Variants in EDA observed in about 807,000 individuals in gnomAD.
EDA encodes ectodysplasin A.
In EDA, 2 loss-of-function variants were observed where a neutral mutation model predicts 23.6. The ratio of observed to expected loss-of-function variants is 0.08; its 90% CI spans 0.03 to 0.27. The LOEUF (loss-of-function observed/expected upper bound fraction) is 0.27, where lower values mean the gene tolerates loss of function less well. Among genes scored for constraint, EDA ranks in the 10% least tolerant of loss-of-function variants. The pLI, the probability that EDA is intolerant of heterozygous loss-of-function variation, is 1.00. For synonymous variants in EDA, 131 were observed against 132.0 expected (o/e 0.99, Z 0.05); for missense variants, 229 against 324.2 (o/e 0.71, Z 2.26).
At chrX:69,957,517 C>T (rs781651788) in intron 2 of EDA, 1 of 190,678 alleles carries the variant, frequency 5.2e-6, no homozygotes, top group South Asian at 9.5e-5. Flanking sequence ...ACTACCTTTT[C>T]AAGTGTGCTT....
At chrX:69,904,892 G>A (rs972198199) in intron 1 of EDA, among the ~76,000 whole-genome samples, 2 of 111,819 alleles carry the variant, frequency 1.8e-5, no homozygotes, top group Non-Finnish European at 3.8e-5. Flanking sequence ...ACTCCTTTTT[G>A]TTATAAGTAC....
chrX:69,848,614 A>T (rs2147572550), intron 1 of EDA, among the ~76,000 whole-genome samples: 1 of 111,984 alleles, frequency 8.9e-6, no homozygotes, highest in South Asian at 3.7e-4. Context: ...AAGCCTATTC[A>T]GATCCTACTT....
chrX:69,681,760 G>T (rs1934361880), intron 1 of EDA, among the ~76,000 whole-genome samples: 2 of 110,857 alleles, frequency 1.8e-5, no homozygotes, highest in South Asian at 7.8e-4. Context: ...CTTTGCCTTT[G>T]TTTTGAATGT....
intron 1 of EDA, among the ~76,000 whole-genome samples, chrX:69,954,589 T>C (rs2018973376): frequency 8.9e-6 from 1 of 112,343 alleles, no homozygotes. Context: ...TAATTTCTTT[T>C]TTATTGCATT....
intron 1 of EDA, among the ~76,000 whole-genome samples, chrX:69,863,645 A>G (rs936469142): frequency 1.7e-5 from 1 of 58,864 alleles, no homozygotes; most frequent in Non-Finnish European, 3.8e-5. Flanking sequence ...GTGTGTATAT[A>G]TGTATTTACA....
intron 1 of EDA, among the ~76,000 whole-genome samples, chrX:69,694,375 G>A (rs1329638014): frequency 1.8e-5 from 2 of 112,063 alleles, no homozygotes; most frequent in African/African-American, 6.5e-5. Flanking sequence ...ATGAAAATCT[G>A]CCAAAGCATT....
At chrX:69,665,923 AT>A (rs1222774416) in intron 1 of EDA, among the ~76,000 whole-genome samples, 1 of 111,209 alleles carries the variant, frequency 9.0e-6, no homozygotes, top group Non-Finnish European at 1.9e-5. Flanking sequence ...CATTTCATCA[AT>A]ATTAATTTTT....
At chrX:69,618,508 G>C (rs1932061911) in intron 1 of EDA, among the ~76,000 whole-genome samples, 1 of 111,847 alleles carries the variant, frequency 8.9e-6, no homozygotes, top group Non-Finnish European at 1.9e-5. Flanking sequence ...GTTATGAAGG[G>C]CTTATATGAG....
intron 1 of EDA, among the ~76,000 whole-genome samples, chrX:69,671,972 G>T (rs1933911802): frequency 8.9e-6 from 1 of 111,904 alleles, no homozygotes; most frequent in African/African-American, 3.3e-5. Flanking sequence ...GCTCCATGAA[G>T]CCAAAGACCA....
chrX:69,777,666 TG>T (rs1331316138), intron 1 of EDA, among the ~76,000 whole-genome samples: 1 of 111,413 alleles, frequency 9.0e-6, no homozygotes, highest in Admixed American at 9.6e-5. Context: ...AGCCATGAAC[TG>T]GGCTAGACTA....
chrX:69,741,245 C>T (rs1033864416), intron 1 of EDA, among the ~76,000 whole-genome samples: 3 of 111,349 alleles, frequency 2.7e-5, no homozygotes, highest in African/African-American at 9.8e-5. Flanking sequence ...GTGAGTCACA[C>T]TTTACCCATT....
chrX:69,951,710 A>G (rs921427995), intron 1 of EDA, among the ~76,000 whole-genome samples: 3 of 112,142 alleles, frequency 2.7e-5, no homozygotes, highest in African/African-American at 9.7e-5. Flanking sequence ...ATGTTTGTAG[A>G]AGTGTCTGGA....
At chrX:69,922,476 G>A (rs2018449998) in intron 1 of EDA, among the ~76,000 whole-genome samples, 1 of 112,072 alleles carries the variant, frequency 8.9e-6, no homozygotes, top group South Asian at 3.7e-4. Context: ...GATATTATCA[G>A]TTTTTGAATT....
chrX:69,941,858 CCTTTCTTCCTGT>C (rs891135410), intron 1 of EDA, among the ~76,000 whole-genome samples: 3 of 111,153 alleles, frequency 2.7e-5, no homozygotes, highest in African/African-American at 6.5e-5. Flanking sequence ...TTCCTTCTTT[CCTTTCTTCCTGT>C]CTTCCTTCTA....
intron 1 of EDA, among the ~76,000 whole-genome samples, chrX:69,764,486 A>G (rs955246607): frequency 9.5e-6 from 1 of 104,735 alleles, no homozygotes; most frequent in Admixed American, 1.0e-4. Flanking sequence ...CAAGTGATCC[A>G]CCCGCCTCTC....
intron 2 of EDA, among the ~76,000 whole-genome samples, chrX:70,008,754 T>C (rs1315271397): frequency 9.0e-6 from 1 of 111,248 alleles, no homozygotes; most frequent in Non-Finnish European, 1.9e-5. Flanking sequence ...GTTTGCTATA[T>C]GGGTATATTG....
chrX:69,622,238 C>G (rs1932213333), intron 1 of EDA, among the ~76,000 whole-genome samples: 1 of 111,809 alleles, frequency 8.9e-6, no homozygotes, highest in Admixed American at 9.5e-5. Context: ...TTGTATAGAT[C>G]AGAGTTGCTG....
At chrX:69,824,419 T>C (rs1205069453) in intron 1 of EDA, among the ~76,000 whole-genome samples, 1 of 110,002 alleles carries the variant, frequency 9.1e-6, no homozygotes, top group Non-Finnish European at 1.9e-5. Context: ...TTCACATCCC[T>C]TGTAAGTTGG....
At chrX:69,922,405 T>C (rs1236749062) in intron 1 of EDA, among the ~76,000 whole-genome samples, 1 of 112,282 alleles carries the variant, frequency 8.9e-6, no homozygotes, top group African/African-American at 3.2e-5. Context: ...GGCTAACCAT[T>C]TTTGCAATCT....
Sources: gnomAD v4.1 joint callset for allele counts (sites outside exome capture counted in the v4.1 genomes callset) on GRCh38, gnomAD v4.1.1 for gene constraint, MANE v1.5 for transcripts, NCBI Gene and HGNC (gene_info 2026-07-23, HGNC 2026-07-21) for gene names.